The following TNXB variants were observed in gnomAD, a reference collection of about 807,000 sequenced individuals.
TNXB encodes the protein tenascin XB, also known as tenascin-X.
TNXB carries 183 observed loss-of-function variants against 340.5 expected under a neutral mutation model. The observed-to-expected ratio is 0.54, with a 90% CI of 0.48 to 0.61. The LOEUF (loss-of-function observed/expected upper bound fraction) is 0.61. Among genes scored for constraint, TNXB ranks in the 20% least tolerant of loss-of-function variants. TNXB has a pLI of 0.00. For synonymous variants in TNXB, 2,121 were observed against 2,314.5 expected (o/e 0.92, Z 2.40); for missense variants, 4,613 against 5,446.4 (o/e 0.85, Z 4.82).
At chr6:32,094,161 T>A (rs1349090192) in intron 4 of TNXB, among the ~76,000 whole-genome samples, 2 of 149,402 alleles carry the variant, frequency 1.3e-5, no homozygotes, top group Non-Finnish European at 3.0e-5. Flanking sequence ...AAAACTGGTT[T>A]GCATGTACTG....
chr6:32,058,553 G>A lies in TNXB; in HGVS notation c.7493-163C>T, dbSNP rs926836988. ...TCAGTGACTCTTGGAATAAGAGCCG[G>A]TGAGGTATCCCCGAGCCCCCGGCCT... is the stretch of plus-strand genomic sequence containing the variant. On this transcript the variant is annotated intron_variant, in intron 21 of 43. Transcript: ENST00000644971. The surrounding 1 kb of genome is among the most constrained non-coding windows in gnomAD (Gnocchi z 5.1). 8.6e-5 allele frequency among the ~76,000 whole-genome samples: 13 copies of A among 151,958 alleles called. No homozygotes were observed. The highest frequency in any genetic ancestry group is 3.2e-4 in the African/African-American group (13 of 41,252).
At chr6:32,045,935 G>A (rs1776836629) in intron 31 of TNXB, 19 of 1,268,418 alleles carry the variant, frequency 1.5e-5, no homozygotes, top group Non-Finnish European at 1.5e-5. Context: ...GGCAGAGTCG[G>A]GGCTGGGAGA....
chr6:32,098,506 G>A (rs971926176), intron 1 of TNXB, among the ~76,000 whole-genome samples: 6 of 152,010 alleles, frequency 3.9e-5, no homozygotes, highest in African/African-American at 1.5e-4. Flanking sequence ...TTGAGACGGA[G>A]TTTCACTCTT....
rs886091196 is a variant in TNXB at position 32,051,651 on chromosome 6, C to T, written c.9115+1019G>A. 1.3e-5 allele frequency among the ~76,000 whole-genome samples: 2 copies of T among 152,012 alleles called. No homozygotes were observed. Among genetic ancestry groups the T allele is most frequent in the South Asian group, 4.2e-4 (2 of 4,796 alleles). ...AGGTGCAGTGGCTCTTGCCTATAAT[C>T]CCAGCACTTTGGGAGGTCAAGGTGG... is the stretch of plus-strand genomic sequence containing the variant. On this transcript the variant is annotated intron_variant, in intron 26 of 43. Coordinates refer to ENST00000644971, the MANE Select transcript of TNXB (RefSeq NM_001365276.2). This position sits in a 1 kb window ranked among gnomAD's most constrained non-coding sequence, Gnocchi z 4.7.
intron 19 of TNXB, among the ~76,000 whole-genome samples, chr6:32,063,915 G>GTA (rs1778173202): frequency 6.6e-6 from 1 of 152,306 alleles, no homozygotes; most frequent in Non-Finnish European, 1.5e-5. Flanking sequence ...TACAATTAAA[G>GTA]TAATAGTATC....
chr6:32,066,722 A>G (rs1281968677), intron 18 of TNXB, among the ~76,000 whole-genome samples: 1 of 152,234 alleles, frequency 6.6e-6, no homozygotes, highest in African/African-American at 2.4e-5. Flanking sequence ...TAAGTTGTAC[A>G]CTAAAAACAA....
rs1780468642 is a variant in TNXB at position 32,097,299 on chromosome 6, C to G, written c.554G>C (p.Gly185Ala). The change falls in exon 3 of 44, where the codon GGG (glycine) becomes GCG (alanine). Residue 185 changes from glycine (G) to alanine (A), a missense_variant. By Grantham distance (60) the Gly-to-Ala change is moderately conservative. Transcript: ENST00000644971. The surrounding 1 kb of genome is among the most constrained non-coding windows in gnomAD (Gnocchi z 5.9). ...IPPSSPPSAS[G>A]SCPDDCNDQG... is the part of the protein sequence containing the mutation. The stretch of plus-strand genomic sequence containing the variant: ...ATCATTGCAGTCATCTGGGCAGGAC[C>G]CCGAGGCTGAGGGTGGGGAAGAGGG... 1 of 1,613,460 alleles carries G rather than the reference C, an allele frequency of 6.2e-7. No individual in the cohort carries two copies. Among genetic ancestry groups the G allele is most frequent in the African/African-American group, 1.3e-5 (1 of 74,906 alleles).
chr6:32,096,262 C>A lies in TNXB; in HGVS notation c.1591G>T (p.Asp531Tyr). The A allele has an allele frequency of 6.4e-7, 1 of 1,564,340 alleles. No homozygotes were observed. Among genetic ancestry groups the A allele is most frequent in the Non-Finnish European group, 8.6e-7 (1 of 1,159,012 alleles). ...EDCGSRRCPG[D>Y]CRGHGLCEDG... is the part of the protein sequence containing the mutation. ...TCGCAAAGGCCGTGCCCACGGCAGT[C>A]CCCGGGACAGCGACGGCTCCCACAG... Residue 531 changes from aspartate to tyrosine, a missense_variant, in exon 3 of 44, where the codon GAC becomes TAC. Asp to Tyr is a radical substitution (Grantham distance 160, BLOSUM62 -3). Transcript: ENST00000644971.
chr6:32,098,029 G>A lies in TNXB; in HGVS notation c.170C>T (p.Ser57Phe). 5 of 1,607,292 alleles carry A rather than the reference G, an allele frequency of 3.1e-6. No individual in the cohort carries two copies. Among genetic ancestry groups the A allele is most frequent in the South Asian group, 1.1e-5 (1 of 89,532 alleles). ...TTCCACTGTGTGCTCGTAAAGCTGA[G>A]AAGAGGGGCTTCCCACTCCAGCCCC... ...TVGAGVGSPS[S>F]QLYEHTVEGG... Residue 57 changes from serine (S) to phenylalanine (F), a missense_variant, in exon 2 of 44, where the codon TCT becomes TTT. Physicochemically the swap from Ser to Phe is radical, Grantham distance 155. Transcript: ENST00000644971.
At chr6:32,055,060 C>A (rs752385392) in intron 24 of TNXB, among the ~76,000 whole-genome samples, 9 of 152,184 alleles carry the variant, frequency 5.9e-5, no homozygotes, top group African/African-American at 9.7e-5. Context: ...GCTTCTTTAC[C>A]AATGGCAGCT....
chr6:32,087,750 C>G lies in TNXB; in HGVS notation c.2779+1035G>C, dbSNP rs781509106. On this transcript the variant is annotated intron_variant, in intron 6 of 43. Coordinates refer to ENST00000644971, the MANE Select transcript of TNXB (RefSeq NM_001365276.2). This position sits in a 1 kb window ranked among gnomAD's most constrained non-coding sequence, Gnocchi z 9.0. ...CCCGCAGTGGGTAGCCGTGAGCCCG[C>G]AGGTGGCGCTCCAGGTCCTGCACCG... 7.5e-5 allele frequency: 38 copies of G among 505,508 alleles called. No homozygotes were observed. Among genetic ancestry groups the G allele is most frequent in the African/African-American group, 6.8e-4 (35 of 51,622 alleles). 31.3% of individuals were successfully genotyped at this position (505,508 alleles called of 1,614,324 possible).
chr6:32,055,367 G>T (rs1777562505), intron 24 of TNXB, among the ~76,000 whole-genome samples: 1 of 152,178 alleles, frequency 6.6e-6, no homozygotes, highest in African/African-American at 2.4e-5. Context: ...ACAGTGTCCG[G>T]ATCAGGGCAA....
In TNXB at chr6:32,042,509, G is replaced by A. The variant is rs6457479; in HGVS notation, c.12156C>T (p.Arg4052=). ...RTSTIFLNGN[R]ERPLNVFCDM... is the part of the protein sequence containing the mutation. Reference sequence around the variant, plus strand: ...CGCAAAACACGTTCAGGGGCCGCTCGCGGTTGCCGTTGAGGAAGATGGTGC... The same window carrying A: ...CGCAAAACACGTTCAGGGGCCGCTCACGGTTGCCGTTGAGGAAGATGGTGC... The change falls in exon 40 of 44, where the codon CGC becomes CGT. Residue 4052 remains arginine (R), a synonymous_variant. Coordinates refer to ENST00000644971, the MANE Select transcript of TNXB (RefSeq NM_001365276.2). The A allele has an allele frequency of 5.0e-6, 8 of 1,607,396 alleles. 1 individual carries two copies. The East Asian group carries it at 6.8e-5, about 14-fold the overall frequency.
At chr6:32,054,558 C>T in intron 24 of TNXB, among the ~76,000 whole-genome samples, 1 of 152,236 alleles carries the variant, frequency 6.6e-6, no homozygotes, top group East Asian at 1.9e-4. Flanking sequence ...CCAAAGCTGT[C>T]ATCAAGCTAA....
At position 32,081,849 on chromosome 6, in the gene TNXB, G is replaced by T. The variant is rs1156444266; in HGVS notation, c.3737-176C>A. ...TATGACACACCTTCTGGGCCACGGG[G>T]AGCTGCTGCTTGGGATGGAAGGGGC... On this transcript the variant is annotated intron_variant, in intron 9 of 43. Coordinates refer to ENST00000644971, the MANE Select transcript of TNXB (RefSeq NM_001365276.2). This position sits in a 1 kb window ranked among gnomAD's most constrained non-coding sequence, Gnocchi z 5.1. Among the ~76,000 whole-genome samples the T allele has an allele frequency of 1.3e-5, 2 of 152,140 alleles. No individual in the cohort carries two copies. Among genetic ancestry groups the T allele is most frequent in the Admixed American group, 6.5e-5 (1 of 15,286 alleles).
At chr6:32,102,479 G>A (rs937955527) in intron 1 of TNXB, among the ~76,000 whole-genome samples, 1 of 152,166 alleles carries the variant, frequency 6.6e-6, no homozygotes, top group Non-Finnish European at 1.5e-5. Flanking sequence ...CATGCAACAT[G>A]GGTGAATTTC....
At chr6:32,105,472 C>CA (rs1780932994) in intron 1 of TNXB, among the ~76,000 whole-genome samples, 1 of 152,188 alleles carries the variant, frequency 6.6e-6, no homozygotes, top group South Asian at 2.1e-4. Context: ...TGAGGGCAGG[C>CA]ATGGCACCTA....
At chr6:32,099,452 G>A (rs181895764) in intron 1 of TNXB, among the ~76,000 whole-genome samples, 80 of 152,060 alleles carry the variant, frequency 5.3e-4, no homozygotes, top group African/African-American at 1.7e-3. Flanking sequence ...GGCTGGTCTC[G>A]AACTCCTGAC....
At chr6:32,086,145 AG>A (rs1562860428) in intron 6 of TNXB, 27 bp from the exon 7 acceptor site, 1 of 1,465,042 alleles carries the variant, frequency 6.8e-7, no homozygotes, top group Non-Finnish European at 9.0e-7. Context: ...TGAGAAAAAG[AG>A]GAGAGTCCAG....
Sources: gnomAD v4.1 joint callset for allele counts (sites outside exome capture counted in the v4.1 genomes callset) on GRCh38, gnomAD v4.1.1 for gene constraint, Gnocchi (gnomAD v3.1) non-coding constraint, MANE v1.5 for transcripts, NCBI Gene and HGNC (gene_info 2026-07-23, HGNC 2026-07-21) for gene names.